The following NBEAL1 variants were observed in gnomAD, a reference collection of about 807,000 sequenced individuals.
The protein encoded by NBEAL1 is neurobeachin-like protein 1.
NBEAL1 carries 273 observed loss-of-function variants against 351.3 expected under a neutral mutation model. That is an observed-to-expected ratio of 0.78 (90% CI 0.70 to 0.86). The LOEUF (loss-of-function observed/expected upper bound fraction) is 0.86, where lower values mean the gene tolerates loss of function less well. NBEAL1 is among the 40% of genes least tolerant of loss of function. The probability of loss-of-function intolerance (pLI) is 0.00; values close to 1 mark genes in which losing one functional copy is unlikely to be tolerated. For synonymous variants in NBEAL1, 1,050 were observed against 1,086.4 expected (o/e 0.97, Z 0.66); for missense variants, 2,961 against 3,201.3 (o/e 0.92, Z 1.81).
chr2:203,110,510 T>C (rs553991045), intron 15 of NBEAL1, among the ~76,000 whole-genome samples: 2 of 151,558 alleles, frequency 1.3e-5, no homozygotes, highest in Non-Finnish European at 2.9e-5. Flanking sequence ...TGCTATCTAC[T>C]GAAAAATACA....
Position 203,138,251 on chromosome 2 carries a change from T to C in NBEAL1, c.4655T>C (p.Val1552Ala). 1 of 1,614,104 alleles carries C rather than the reference T, an allele frequency of 6.2e-7. No homozygotes were observed. The highest frequency in any genetic ancestry group is 1.1e-5 in the South Asian group (1 of 91,072). ...PVTAENAFRL[V>A]LIIQDFLQSE... ...ACTGCTGAAAACGCCTTCCGACTAG[T>C]GCTGATCATACAGGACTTTCTTCAG... The change falls in exon 30 of 56, where the codon GTG becomes GCG. Residue 1552 changes from valine (V) to alanine (A), a missense_variant. By Grantham distance (64) the Val-to-Ala change is moderately conservative. Transcript: ENST00000683969.
intron 39 of NBEAL1, among the ~76,000 whole-genome samples, chr2:203,170,291 G>A (rs774993740): frequency 6.6e-6 from 1 of 152,132 alleles, no homozygotes; most frequent in Non-Finnish European, 1.5e-5. Flanking sequence ...AGAATCGCTT[G>A]AACCGGGGAG....
At chr2:203,174,844 G>T (rs1033644305) in intron 41 of NBEAL1, among the ~76,000 whole-genome samples, 14 of 149,256 alleles carry the variant, frequency 9.4e-5, no homozygotes, top group African/African-American at 3.4e-4. Context: ...TGAGCCGAGA[G>T]CGAGACTCTG....
At chr2:203,128,521 G>A (rs1375270642) in intron 24 of NBEAL1, among the ~76,000 whole-genome samples, 2 of 151,632 alleles carry the variant, frequency 1.3e-5, no homozygotes. Context: ...TGGCAATTCT[G>A]AAGCCTGTTT....
Position 203,209,437 on chromosome 2 carries a change from T to C in NBEAL1, c.7785+115T>C, listed in dbSNP as rs1001563921. The C allele has an allele frequency of 5.1e-6, 4 of 783,700 alleles. No individual in the cohort carries two copies. In the African/African-American group the frequency reaches 6.9e-5, roughly 13 times the overall value. 48.5% of individuals were successfully genotyped at this position (783,700 alleles called of 1,614,324 possible). ...GAACACCATATTTTAAAGATGATGT[T>C]TTTCTTTCATCATTCAGTTGTTCGT... On this transcript the variant is annotated intron_variant, in intron 53 of 55. Transcript: ENST00000683969.
intron 18 of NBEAL1, among the ~76,000 whole-genome samples, chr2:203,121,775 T>G (rs1317183289): frequency 1.3e-5 from 2 of 151,914 alleles, no homozygotes; most frequent in Non-Finnish European, 2.9e-5. Context: ...AATTCCTGAT[T>G]CTTTCTTTTT....
At chr2:203,049,649 A>T (rs1451480244) in intron 3 of NBEAL1, among the ~76,000 whole-genome samples, 165 bp from the exon 4 acceptor site, 1 of 152,226 alleles carries the variant, frequency 6.6e-6, no homozygotes, top group Non-Finnish European at 1.5e-5. Flanking sequence ...CTAGTTACTA[A>T]TCATCATGTG....
At chr2:203,137,036 T>C (rs1163512143) in intron 29 of NBEAL1, among the ~76,000 whole-genome samples, 2 of 152,228 alleles carry the variant, frequency 1.3e-5, no homozygotes, top group African/African-American at 4.8e-5. Context: ...TTTAAACTGT[T>C]TTCTTGCAGT....
At chr2:203,033,332 AT>A (rs2060984063) in intron 2 of NBEAL1, among the ~76,000 whole-genome samples, 1 of 152,182 alleles carries the variant, frequency 6.6e-6, no homozygotes, top group Admixed American at 6.5e-5. Context: ...AAGTTCCCAA[AT>A]TTATTGTATG....
chr2:203,209,035 C>T, intron 52 of NBEAL1, 126 bp from the exon 53 acceptor site: 1 of 760,198 alleles, frequency 1.3e-6, no homozygotes, highest in Non-Finnish European at 2.1e-6. Flanking sequence ...GTGCATGTAT[C>T]CTTGATGGAA....
intron 7 of NBEAL1, among the ~76,000 whole-genome samples, chr2:203,069,964 T>G (rs903172608): frequency 1.1e-4 from 17 of 152,232 alleles, no homozygotes; most frequent in African/African-American, 4.1e-4. Context: ...CCAGCCTGAT[T>G]TGTTTTAAAT....
chr2:203,215,285 G>T (rs2065878005), intron 55 of NBEAL1, among the ~76,000 whole-genome samples: 1 of 152,136 alleles, frequency 6.6e-6, no homozygotes, highest in African/African-American at 2.4e-5. Context: ...CGGATCACGA[G>T]GTCAAGAGAT....
chr2:203,181,522 A>G lies in NBEAL1; in HGVS notation c.6595+1010A>G, dbSNP rs368430868. ...TGTCCAAATCCTTTTTCTGTGAGGT[A>G]GTTTTACATTTACTTTTAAGTACAA... On this transcript the variant is annotated intron_variant, in intron 43 of 55. Coordinates refer to ENST00000683969, the MANE Select transcript of NBEAL1 (RefSeq NM_001378026.1). 2.6e-5 allele frequency: 4 copies of G among 152,278 alleles called. 1 individual carries two copies. Among genetic ancestry groups the G allele is most frequent in the Admixed American group, 1.3e-4 (2 of 15,290 alleles). The allele number at this position is 152,278 out of a possible 1,614,324, so 9.4% of individuals were successfully genotyped here. A position where few individuals can be genotyped will look rare whatever the true frequency, so the allele number is the denominator to read the frequency against.
chr2:203,217,311 T>C lies in NBEAL1; in HGVS notation c.8129T>C (p.Ile2710Thr). The C allele has an allele frequency of 6.2e-7, 1 of 1,601,756 alleles. No homozygotes were observed. Among genetic ancestry groups the C allele is most frequent in the South Asian group, 1.1e-5 (1 of 89,044 alleles). ...GGATCGAGCAAGCGGCTCAGCCAGA[T>C]TTCAGCTGGAGAAACTGAATATAAT... ...FWGSSKRLSQ[I>T]SAGETEYNTQ... The change falls in exon 56 of 56, where the codon ATT becomes ACT. Residue 2710 changes from isoleucine to threonine, a missense_variant. Ile to Thr is a moderately conservative substitution (Grantham distance 89). Transcript: ENST00000683969.
At position 203,107,655 on chromosome 2, in the gene NBEAL1, T is replaced by C. The variant is rs1268462781; in HGVS notation, c.1416T>C (p.Asn472=). The C allele has an allele frequency of 6.4e-7, 1 of 1,552,744 alleles. No homozygotes were observed. ...CAGTTGGGATTTTGGGCATTAGTAA[T>C]GTCCAACCTCTCTTGCTTCTTATCC... The part of the protein sequence containing the change: ...HTSVGILGIS[N]VQPLLLLIQW... Residue 472 remains asparagine, a synonymous_variant, in exon 14 of 56, where the codon AAT becomes AAC. Transcript: ENST00000683969.
In NBEAL1 at chr2:203,209,167, A is replaced by G. The variant is rs2065699487; in HGVS notation, c.7630A>G (p.Thr2544Ala). 1.2e-6 allele frequency: 2 copies of G among 1,612,114 alleles called. No individual in the cohort carries two copies. Among genetic ancestry groups the G allele is most frequent in the South Asian group, 1.1e-5 (1 of 90,954 alleles). ...TGATATATCCTGTGTGTAGGATGGA[A>G]CGGTGATTATACATACCATTCAGAA... ...DMAVSGSRDG[T>A]VIIHTIQKGQ... The change falls in exon 53 of 56, where the codon ACG becomes GCG. Residue 2544 changes from threonine (T) to alanine (A), a missense_variant. Thr to Ala is a moderately conservative substitution (Grantham distance 58). Transcript: ENST00000683969.
chr2:203,016,904 G>C (rs2060690212), intron 2 of NBEAL1, among the ~76,000 whole-genome samples: 1 of 152,120 alleles, frequency 6.6e-6, no homozygotes, highest in Non-Finnish European at 1.5e-5. Flanking sequence ...TTTGAGCATT[G>C]TCTCATTTCC....
At chr2:203,046,279 G>A (rs993799993) in intron 3 of NBEAL1, among the ~76,000 whole-genome samples, 2 of 151,888 alleles carry the variant, frequency 1.3e-5, no homozygotes, top group Non-Finnish European at 2.9e-5. Context: ...GCAGTGGCCC[G>A]ATCTTGGCTC....
At chr2:203,159,749 A>T (rs2063896247) in intron 36 of NBEAL1, among the ~76,000 whole-genome samples, 1 of 152,112 alleles carries the variant, frequency 6.6e-6, no homozygotes, top group Non-Finnish European at 1.5e-5. Flanking sequence ...TTGGTTATCT[A>T]CTGAGGAGTA....
Sources: gnomAD v4.1 joint callset for allele counts (sites outside exome capture counted in the v4.1 genomes callset) on GRCh38, gnomAD v4.1.1 for gene constraint, MANE v1.5 for transcripts, NCBI Gene and HGNC (gene_info 2026-07-23, HGNC 2026-07-21) for gene names.